Variants in SCN3A observed in about 807,000 individuals in gnomAD.
The protein encoded by SCN3A is sodium channel protein type 3 subunit alpha.
SCN3A carries 60 observed loss-of-function variants against 187.6 expected under a neutral mutation model. The ratio of observed to expected loss-of-function variants is 0.32; its 90% CI spans 0.26 to 0.40. The LOEUF (loss-of-function observed/expected upper bound fraction) is 0.40. Among genes scored for constraint, SCN3A ranks in the 10% least tolerant of loss-of-function variants. The probability of loss-of-function intolerance (pLI) is 1.00; values close to 1 mark genes in which losing one functional copy is unlikely to be tolerated. For synonymous variants in SCN3A, 788 were observed against 829.2 expected, an observed-to-expected ratio of 0.95 and a Z score of 0.85; for missense variants, 1,601 against 2,428.2, an observed-to-expected ratio of 0.66 and a Z score of 7.16.
chr2:165,100,533 C>G, intron 21 of SCN3A, 109 bp from the exon 22 acceptor site: 1 of 1,131,564 alleles, frequency 8.8e-7, no homozygotes, highest in South Asian at 1.4e-5. Context: ...TTGGACATAC[C>G]TTGGCAACTT....
chr2:165,176,927 C>A (rs1359715522), intron 2 of SCN3A, among the ~76,000 whole-genome samples: 1 of 152,098 alleles, frequency 6.6e-6, no homozygotes, highest in East Asian at 1.9e-4. Context: ...GTACTGGTAA[C>A]AATACAATTA....
intron 1 of SCN3A, among the ~76,000 whole-genome samples, chr2:165,198,681 A>G (rs914744737): frequency 1.3e-5 from 2 of 151,958 alleles, no homozygotes; most frequent in African/African-American, 4.8e-5. Context: ...CCCAACATGA[A>G]TGGCTTTACT....
intron 12 of SCN3A, among the ~76,000 whole-genome samples, chr2:165,144,068 C>T (rs560868451): frequency 6.6e-6 from 1 of 152,230 alleles, no homozygotes; most frequent in Non-Finnish European, 1.5e-5. Flanking sequence ...GAAGGCAGGG[C>T]ACCCACAATT....
At chr2:165,120,524 T>C (rs1043762323) in intron 18 of SCN3A, among the ~76,000 whole-genome samples, 4 of 151,940 alleles carry the variant, frequency 2.6e-5, no homozygotes, top group Non-Finnish European at 5.9e-5. Flanking sequence ...TATTTGACTC[T>C]CACAAACTGC....
intron 11 of SCN3A, 68 bp from the exon 12 acceptor site, chr2:165,147,097 A>T: frequency 6.3e-7 from 1 of 1,578,436 alleles, no homozygotes; most frequent in African/African-American, 1.3e-5. Flanking sequence ...TATGGTTAAA[A>T]TATTGCCATT....
At position 165,121,870 on chromosome 2, in the gene SCN3A, C is replaced by T. The variant is rs535089933; in HGVS notation, c.3393+5761G>A. ...ATCTTGGGAGATTCCCTTTACTCCTCACAAAACTAAAATTAATAATTAATA... is the reference window on the plus strand; with the variant it reads ...ATCTTGGGAGATTCCCTTTACTCCTTACAAAACTAAAATTAATAATTAATA... On this transcript the variant is annotated intron_variant, in intron 18 of 27. Coordinates refer to ENST00000283254, the MANE Select transcript of SCN3A (RefSeq NM_006922.4). Among the ~76,000 whole-genome samples, 154 of 152,274 alleles carry T rather than the reference C, an allele frequency of 1.0e-3. 1 individual carries two copies. The highest frequency in any genetic ancestry group is 3.7e-3 in the African/African-American group (152 of 41,552).
chr2:165,182,500 T>C (rs1347385032), intron 2 of SCN3A, among the ~76,000 whole-genome samples: 2 of 152,098 alleles, frequency 1.3e-5, no homozygotes, highest in Non-Finnish European at 2.9e-5. Flanking sequence ...AGGCCATCAA[T>C]AAGTTAGGGA....
At chr2:165,180,339 A>G (rs1559268808) in intron 2 of SCN3A, among the ~76,000 whole-genome samples, 2 of 152,204 alleles carry the variant, frequency 1.3e-5, no homozygotes, top group African/African-American at 2.4e-5. Context: ...GCAGATTTTT[A>G]TACAGATAAT....
intron 1 of SCN3A, among the ~76,000 whole-genome samples, chr2:165,193,906 G>A (rs529858223): frequency 9.5e-4 from 144 of 152,202 alleles, no homozygotes; most frequent in African/African-American, 3.4e-3. Flanking sequence ...GATGATTTAG[G>A]TGTGTCTGAA....
At position 165,135,276 on chromosome 2, in the gene SCN3A, A is replaced by T. The variant is rs74899108; in HGVS notation, c.2391+2603T>A. On this transcript the variant is annotated intron_variant, in intron 15 of 27. Transcript: ENST00000283254. ...AATACGGAGCACCTTAGCAAAACTT[A>T]ATTGAGATTCAAGGTCTCTTGATAC... Among the ~76,000 whole-genome samples, 1,109 of 152,190 alleles carry T rather than the reference A, an allele frequency of 7.3e-3. 7 individuals carry two copies. The highest frequency in any genetic ancestry group is 0.017 in the Middle Eastern group (5 of 294).
intron 1 of SCN3A, among the ~76,000 whole-genome samples, chr2:165,192,521 G>A (rs949702312): frequency 3.3e-5 from 5 of 152,172 alleles, no homozygotes; most frequent in African/African-American, 1.2e-4. Flanking sequence ...ACTAGTAAAT[G>A]TTGCCATCAA....
intron 17 of SCN3A, among the ~76,000 whole-genome samples, chr2:165,128,926 G>A (rs1326830579): frequency 6.6e-6 from 1 of 152,148 alleles, no homozygotes; most frequent in African/African-American, 2.4e-5. Context: ...CATTATTTCT[G>A]ATGTAAAAGA....
chr2:165,142,985 C>G (rs1286844897), intron 12 of SCN3A, among the ~76,000 whole-genome samples: 1 of 152,138 alleles, frequency 6.6e-6, no homozygotes, highest in Non-Finnish European at 1.5e-5. Context: ...CTCCCAACCT[C>G]AGGTGATCTG....
At chr2:165,150,353 A>G (rs1251140918) in intron 11 of SCN3A, among the ~76,000 whole-genome samples, 1 of 152,144 alleles carries the variant, frequency 6.6e-6, no homozygotes, top group Non-Finnish European at 1.5e-5. Flanking sequence ...CTTAAGCTAC[A>G]CTGCAGCATA....
chr2:165,166,752 A>G (rs1200804860), intron 5 of SCN3A, among the ~76,000 whole-genome samples: 1 of 152,180 alleles, frequency 6.6e-6, no homozygotes, highest in African/African-American at 2.4e-5. Flanking sequence ...AAGCTACTGA[A>G]GACAATTGAT....
intron 2 of SCN3A, among the ~76,000 whole-genome samples, chr2:165,180,353 A>G (rs1348600578): frequency 6.6e-6 from 1 of 152,242 alleles, no homozygotes; most frequent in Non-Finnish European, 1.5e-5. Context: ...AGATAATTAT[A>G]ACACAGTTAT....
In SCN3A at chr2:165,158,939, C is replaced by T. The variant is rs138300237; in HGVS notation, c.1032-3036G>A. On this transcript the variant is annotated intron_variant, in intron 9 of 27. Transcript: ENST00000283254. ...GGTTTTTTGTGAAGACATAAGTTTT[C>T]AAATTGATCAGCTAAATACCTAGAA... is the stretch of plus-strand genomic sequence containing the variant. Among the ~76,000 whole-genome samples, 3 of 137,798 alleles carry T rather than the reference C, an allele frequency of 2.2e-5. 1 individual carries two copies. The highest frequency in any genetic ancestry group is 1.5e-4 in the Admixed American group (2 of 13,208). The allele number at this position is 137,798 out of a possible 152,430, so 90.4% of individuals were successfully genotyped here.
intron 2 of SCN3A, among the ~76,000 whole-genome samples, chr2:165,177,305 C>T (rs892489467): frequency 6.6e-6 from 1 of 152,060 alleles, no homozygotes; most frequent in Non-Finnish European, 1.5e-5. Context: ...CTGGCTCTGC[C>T]GCTTATGAGC....
chr2:165,126,064 T>C (rs752686184), intron 18 of SCN3A, among the ~76,000 whole-genome samples: 48 of 152,190 alleles, frequency 3.2e-4, no homozygotes, highest in Non-Finnish European at 6.3e-4. Flanking sequence ...CTACCTATTA[T>C]AGGGATTTCA....
Sources: allele counts gnomAD v4.1 joint callset (sites outside exome capture counted in the v4.1 genomes callset), GRCh38; gene constraint gnomAD v4.1.1; transcripts MANE v1.5; gene names NCBI Gene and HGNC (gene_info 2026-07-23, HGNC 2026-07-21).